Variants in DLG2 observed in about 807,000 individuals in gnomAD.
DLG2 encodes the protein discs large MAGUK scaffold protein 2.
DLG2 carries 45 observed loss-of-function variants against 132.5 expected under a neutral mutation model. The observed-to-expected ratio is 0.34, with a 90% CI of 0.27 to 0.44. DLG2 has a LOEUF of 0.44. DLG2 is among the 20% of genes least tolerant of loss of function. DLG2 has a pLI of 1.00. For synonymous variants in DLG2, 424 were observed against 419.6 expected (o/e 1.01, Z -0.13); for missense variants, 1,045 against 1,196.9 (o/e 0.87, Z 1.87).
intron 8 of DLG2, among the ~76,000 whole-genome samples, chr11:84,211,683 A>G (rs560198748): frequency 6.6e-6 from 1 of 152,364 alleles, no homozygotes; most frequent in South Asian, 2.1e-4. Context: ...AATTCAAGAT[A>G]AAATAGACTT....
At chr11:84,801,059 C>A (rs1004821416) in intron 6 of DLG2, among the ~76,000 whole-genome samples, 1 of 152,188 alleles carries the variant, frequency 6.6e-6, no homozygotes, top group East Asian at 1.9e-4. Flanking sequence ...CTTATCTGCA[C>A]CAAGCATGAG....
intron 7 of DLG2, among the ~76,000 whole-genome samples, chr11:84,446,855 GA>G (rs1379689159): frequency 6.6e-6 from 1 of 151,936 alleles, no homozygotes; most frequent in Non-Finnish European, 1.5e-5. Flanking sequence ...TGCCTTTATT[GA>G]GTCCCATACA....
chr11:84,141,225 C>G (rs2094830454), intron 9 of DLG2, among the ~76,000 whole-genome samples: 1 of 151,910 alleles, frequency 6.6e-6, no homozygotes, highest in Non-Finnish European at 1.5e-5. Context: ...ATCTACCTAC[C>G]TACCTATCCA....
rs189070754 is a variant in DLG2 at position 85,357,073 on chromosome 11, G to T, written c.41-71708C>A. Among the ~76,000 whole-genome samples the T allele has an allele frequency of 3.3e-5, 5 of 152,154 alleles. No homozygotes were observed. In the East Asian group the frequency reaches 9.7e-4, roughly 29 times the overall value. ...CTCTTATAGAAATGGCACCAAGTAG[G>T]TGCTCAATAAATTGTAACTATTAGT... is the stretch of plus-strand genomic sequence containing the variant. On this transcript the variant is annotated intron_variant, in intron 3 of 27. Coordinates refer to ENST00000376104, the MANE Select transcript of DLG2 (RefSeq NM_001142699.3).
In DLG2 at chr11:84,718,979, A is replaced by G. The variant is rs535586250; in HGVS notation, c.358-184248T>C. Among the ~76,000 whole-genome samples the G allele has an allele frequency of 4.6e-5, 7 of 152,310 alleles. No individual in the cohort carries two copies. The South Asian group carries it at 1.5e-3, about 32-fold the overall frequency. ...AGTAGAAAAACATAAATCTCTGGCA[A>G]TAATATTATCATTCAATGACTTCAT... On this transcript the variant is annotated intron_variant, in intron 6 of 27. Coordinates refer to ENST00000376104, the MANE Select transcript of DLG2 (RefSeq NM_001142699.3).
chr11:85,219,286 G>A (rs1385977689), intron 4 of DLG2, among the ~76,000 whole-genome samples: 2 of 151,976 alleles, frequency 1.3e-5, no homozygotes. Flanking sequence ...GACACCTCTG[G>A]TCTCTAGGCT....
chr11:84,613,359 C>T (rs2099598678), intron 6 of DLG2, among the ~76,000 whole-genome samples: 1 of 152,068 alleles, frequency 6.6e-6, no homozygotes, highest in South Asian at 2.1e-4. Context: ...CAAGTTCCCA[C>T]AAAAATTTCA....
chr11:84,427,491 G>C (rs1487872403), intron 7 of DLG2, among the ~76,000 whole-genome samples: 1 of 151,778 alleles, frequency 6.6e-6, no homozygotes, highest in African/African-American at 2.4e-5. Context: ...GCCAATAAGA[G>C]GATTCACAAA....
In DLG2 at chr11:85,568,060, G is replaced by A. The variant is rs145764960; in HGVS notation, c.40+30597C>T. On this transcript the variant is annotated intron_variant, in intron 3 of 27. Transcript: ENST00000376104. ...ATGGAGTTTTGCTCTTGTTGCCCAG[G>A]CTGGAGTGCAATGGCGCGATCTTGG... is the stretch of plus-strand genomic sequence containing the variant. Among the ~76,000 whole-genome samples, 1,111 of 149,754 alleles carry A rather than the reference G, an allele frequency of 7.4e-3. 16 individuals are homozygous for A. The highest frequency in any genetic ancestry group is 0.027 in the African/African-American group (1,080 of 40,516).
chr11:83,820,690 T>C (rs747634020), intron 17 of DLG2, among the ~76,000 whole-genome samples: 1 of 152,136 alleles, frequency 6.6e-6, no homozygotes, highest in Non-Finnish European at 1.5e-5. Context: ...AGGAAGGGAA[T>C]ATTTCCTTTT....
At chr11:84,503,098 T>G (rs2099226551) in intron 7 of DLG2, among the ~76,000 whole-genome samples, 1 of 152,196 alleles carries the variant, frequency 6.6e-6, no homozygotes, top group African/African-American at 2.4e-5. Flanking sequence ...AGGATAGCAG[T>G]AAATGTTAGT....
intron 4 of DLG2, among the ~76,000 whole-genome samples, chr11:85,211,564 G>A (rs1036448427): frequency 1.4e-5 from 2 of 144,404 alleles, no homozygotes; most frequent in Non-Finnish European, 3.1e-5. Flanking sequence ...TGCTGTATAA[G>A]AGTACCCTGC....
At chr11:84,161,224 G>T (rs2095539807) in intron 9 of DLG2, among the ~76,000 whole-genome samples, 1 of 152,072 alleles carries the variant, frequency 6.6e-6, no homozygotes, top group African/African-American at 2.4e-5. Flanking sequence ...AAAAAAAAGT[G>T]CATGAGAGGG....
chr11:85,386,242 C>T (rs2086310948), intron 3 of DLG2, among the ~76,000 whole-genome samples: 1 of 152,108 alleles, frequency 6.6e-6, no homozygotes, highest in Non-Finnish European at 1.5e-5. Context: ...TTATTCTAAC[C>T]ACTTTCATAT....
intron 10 of DLG2, among the ~76,000 whole-genome samples, chr11:84,071,917 G>A (rs910251625): frequency 1.2e-4 from 18 of 152,290 alleles, no homozygotes; most frequent in African/African-American, 4.1e-4. Flanking sequence ...TGCCTCATTC[G>A]TGACCCTTCA....
intron 7 of DLG2, among the ~76,000 whole-genome samples, chr11:84,252,509 A>G (rs1174136690): frequency 6.6e-6 from 1 of 152,146 alleles, no homozygotes; most frequent in Non-Finnish European, 1.5e-5. Flanking sequence ...GTCAAATATG[A>G]CAGAAAATCA....
At chr11:83,659,272 A>T (rs916347879) in intron 18 of DLG2, among the ~76,000 whole-genome samples, 3 of 152,218 alleles carry the variant, frequency 2.0e-5, no homozygotes, top group East Asian at 1.9e-4. Flanking sequence ...ACTGAGACAC[A>T]CGGGGATTAG....
chr11:85,035,729 G>T (rs1042832233), intron 6 of DLG2, among the ~76,000 whole-genome samples: 3 of 152,120 alleles, frequency 2.0e-5, no homozygotes, highest in Admixed American at 6.5e-5. Context: ...GAAAATTAGT[G>T]AAGACCTGCA....
chr11:85,477,720 T>C lies in DLG2; in HGVS notation c.40+120937A>G, dbSNP rs563931841. Among the ~76,000 whole-genome samples, 9 of 152,318 alleles carry C rather than the reference T, an allele frequency of 5.9e-5. No homozygotes were observed. The South Asian group carries it at 1.9e-3, about 32-fold the overall frequency. ...GCTCCAAATTATTCTATTTCTGTCATTTAACACTATCAGAGTGCCAAAAAA... is the reference window on the plus strand; with the variant it reads ...GCTCCAAATTATTCTATTTCTGTCACTTAACACTATCAGAGTGCCAAAAAA... On this transcript the variant is annotated intron_variant, in intron 3 of 27. Coordinates refer to ENST00000376104, the MANE Select transcript of DLG2 (RefSeq NM_001142699.3).
Sources: allele counts gnomAD v4.1 joint callset (sites outside exome capture counted in the v4.1 genomes callset), GRCh38; gene constraint gnomAD v4.1.1; transcripts MANE v1.5; gene names NCBI Gene and HGNC (gene_info 2026-07-23, HGNC 2026-07-21).